The following NEGR1 variants were observed in gnomAD, a reference collection of about 807,000 sequenced individuals.
NEGR1 encodes IgLON family member 4.
Under a neutral mutation model 40.9 loss-of-function variants are expected in NEGR1, and 10 were observed. The observed-to-expected ratio is 0.24, with a 90% CI of 0.15 to 0.42. The LOEUF (loss-of-function observed/expected upper bound fraction) is 0.42, where lower values mean the gene tolerates loss of function less well. NEGR1 is among the 10% of genes least tolerant of loss of function. The pLI is 1.00. For synonymous variants in NEGR1, 185 were observed against 166.8 expected (o/e 1.11, Z -0.84); for missense variants, 352 against 438.9 (o/e 0.80, Z 1.77).
intron 2 of NEGR1, among the ~76,000 whole-genome samples, chr1:71,779,933 G>C (rs1011719836): frequency 4.0e-5 from 6 of 151,174 alleles, no homozygotes; most frequent in African/African-American, 1.5e-4. Context: ...TTGGTCAACT[G>C]GATGGTGATA....
intron 1 of NEGR1, among the ~76,000 whole-genome samples, chr1:72,009,434 C>A (rs1646637732): frequency 6.6e-6 from 1 of 151,962 alleles, no homozygotes; most frequent in Non-Finnish European, 1.5e-5. Context: ...AGCACAGTTT[C>A]CCCCAACTTG....
intron 1 of NEGR1, among the ~76,000 whole-genome samples, chr1:72,025,252 A>T (rs914227009): frequency 6.6e-6 from 1 of 152,168 alleles, no homozygotes; most frequent in African/African-American, 2.4e-5. Flanking sequence ...TTTAAAAAAT[A>T]ATATTTCCGA....
chr1:71,810,780 G>A (rs1010619154), intron 2 of NEGR1, among the ~76,000 whole-genome samples: 1 of 152,010 alleles, frequency 6.6e-6, no homozygotes, highest in African/African-American at 2.4e-5. Context: ...CATGGAAAAT[G>A]TGCCTGCTTC....
intron 6 of NEGR1, among the ~76,000 whole-genome samples, chr1:71,447,128 T>C (rs57104035): frequency 0.035 from 5,276 of 152,324 alleles, 319 homozygotes; most frequent in African/African-American, 0.12. Flanking sequence ...GTCTGAACTC[T>C]GCCTCCTGTC....
At chr1:72,098,706 C>T (rs1007560698) in intron 1 of NEGR1, among the ~76,000 whole-genome samples, 3 of 152,066 alleles carry the variant, frequency 2.0e-5, no homozygotes, top group Non-Finnish European at 4.4e-5. Context: ...CCTTACTGAA[C>T]TAAATCTTAG....
intron 1 of NEGR1, among the ~76,000 whole-genome samples, chr1:71,998,417 G>T (rs1168750544): frequency 6.6e-6 from 1 of 151,550 alleles, no homozygotes; most frequent in Non-Finnish European, 1.5e-5. Flanking sequence ...TTCCACAATC[G>T]CTGGCATAGA....
rs1646298883 is a variant in NEGR1, at chr1:71,975,909, C to T, written c.177-40598G>A. Among the ~76,000 whole-genome samples, 3 of 152,194 alleles carry T rather than the reference C, an allele frequency of 2.0e-5. No homozygotes were observed. In the South Asian group the frequency reaches 6.2e-4, roughly 32 times the overall value. On this transcript the variant is annotated intron_variant, in intron 1 of 6. Transcript: ENST00000357731. ...TTTGGGAAGAGACTGTCATTGAATT[C>T]AAGCACCAGTTATTTGGAGAGAGCA...
At chr1:71,994,395 G>T (rs1032015175) in intron 1 of NEGR1, among the ~76,000 whole-genome samples, 11 of 152,022 alleles carry the variant, frequency 7.2e-5, no homozygotes, top group African/African-American at 2.7e-4. Flanking sequence ...GGGCGTGGTG[G>T]TGGGCGCCTG....
chr1:71,590,993 T>A (rs752883239), intron 6 of NEGR1, among the ~76,000 whole-genome samples: 1 of 152,146 alleles, frequency 6.6e-6, no homozygotes, highest in African/African-American at 2.4e-5. Context: ...AAAGAACTTA[T>A]AATTTGATGG....
At chr1:72,149,252 T>C (rs111680481) in intron 1 of NEGR1, among the ~76,000 whole-genome samples, 9 of 152,172 alleles carry the variant, frequency 5.9e-5, no homozygotes, top group African/African-American at 2.2e-4. Flanking sequence ...TTATTCACTA[T>C]CACGAGAATA....
chr1:71,749,209 T>C (rs1416296636), intron 3 of NEGR1, among the ~76,000 whole-genome samples: 1 of 152,208 alleles, frequency 6.6e-6, no homozygotes, highest in Admixed American at 6.5e-5. Flanking sequence ...GTTATCACTA[T>C]TACTGAGGTA....
intron 4 of NEGR1, among the ~76,000 whole-genome samples, chr1:71,661,772 T>G (rs1652062679): frequency 6.6e-6 from 1 of 152,152 alleles, no homozygotes. Flanking sequence ...GTTAAAAATA[T>G]TTCTCCCATT....
chr1:71,816,391 A>C lies in NEGR1; in HGVS notation c.410-40094T>G, dbSNP rs1020195533. On this transcript the variant is annotated intron_variant, in intron 2 of 6. Transcript: ENST00000357731. The stretch of plus-strand genomic sequence containing the variant: ...AACTGAGACTGAGTAATTTATTTTA[A>C]AAAGGGGCTTAATGGACTCACAGTG... Among the ~76,000 whole-genome samples, 5 of 152,030 alleles carry C rather than the reference A, an allele frequency of 3.3e-5. No homozygotes were observed. The South Asian group carries it at 1.0e-3, about 31-fold the overall frequency.
At chr1:71,438,551 TG>T (rs1646525587) in intron 6 of NEGR1, among the ~76,000 whole-genome samples, 1 of 151,850 alleles carries the variant, frequency 6.6e-6, no homozygotes, top group Non-Finnish European at 1.5e-5. Flanking sequence ...TAGGATTTTT[TG>T]TTTGTTTGTT....
chr1:71,921,634 T>C (rs533800447), intron 2 of NEGR1, among the ~76,000 whole-genome samples: 81 of 148,542 alleles, frequency 5.5e-4, no homozygotes, highest in Non-Finnish European at 8.0e-4. Flanking sequence ...AGAATACATA[T>C]ATATTCTTAT....
intron 1 of NEGR1, among the ~76,000 whole-genome samples, chr1:72,232,471 G>A (rs1557590054): frequency 6.6e-6 from 1 of 152,074 alleles, no homozygotes; most frequent in African/African-American, 2.4e-5. Context: ...TCCTTAAAGA[G>A]GTTAGATAGA....
chr1:72,161,676 C>CTT (rs779074685), intron 1 of NEGR1, among the ~76,000 whole-genome samples: 3,004 of 84,526 alleles, frequency 0.036, 384 homozygotes, highest in African/African-American at 0.13. Flanking sequence ...TTCTTTCTTT[C>CTT]TTTTTTTTTT....
intron 1 of NEGR1, among the ~76,000 whole-genome samples, chr1:72,063,821 GA>G (rs1290947689): frequency 6.6e-6 from 1 of 151,880 alleles, no homozygotes; most frequent in African/African-American, 2.4e-5. Context: ...ACAAAGCCAA[GA>G]TTGTAGTGCT....
intron 3 of NEGR1, among the ~76,000 whole-genome samples, chr1:71,713,131 C>T (rs1654161221): frequency 6.6e-6 from 1 of 152,220 alleles, no homozygotes; most frequent in African/African-American, 2.4e-5. Context: ...TCTTTAACAA[C>T]TGTTCCTTTG....
Sources: allele counts gnomAD v4.1 joint callset (sites outside exome capture counted in the v4.1 genomes callset), GRCh38; gene constraint gnomAD v4.1.1; transcripts MANE v1.5; gene names NCBI Gene and HGNC (gene_info 2026-07-23, HGNC 2026-07-21).